The following VRK2 variants were observed in gnomAD, a reference collection of about 807,000 sequenced individuals.
VRK2 encodes serine/threonine-protein kinase VRK2.
In VRK2, 60 loss-of-function variants were observed where a neutral mutation model predicts 57.6. That is an observed-to-expected ratio of 1.04 (90% CI 0.85 to 1.29). The LOEUF is 1.29. Among genes scored for constraint, VRK2 ranks in the 50% most tolerant of loss-of-function variants. The pLI, the probability that VRK2 is intolerant of heterozygous loss-of-function variation, is 0.00. For synonymous variants in VRK2, 231 were observed against 199.2 expected (o/e 1.16, Z -1.35); for missense variants, 705 against 588.1 (o/e 1.20, Z -2.06).
intron 7 of VRK2, among the ~76,000 whole-genome samples, chr2:58,120,505 A>G (rs948477162): frequency 6.6e-6 from 1 of 151,982 alleles, no homozygotes; most frequent in Admixed American, 6.6e-5. Context: ...TTTCATCTTT[A>G]TATTAAATGT....
chr2:58,000,774 T>G (rs1027802106), intron 1 of VRK2, among the ~76,000 whole-genome samples: 1 of 152,208 alleles, frequency 6.6e-6, no homozygotes, highest in African/African-American at 2.4e-5. Flanking sequence ...CAATATATCT[T>G]CTATTCATAC....
intron 12 of VRK2, among the ~76,000 whole-genome samples, chr2:58,148,554 G>T (rs559757192): frequency 1.3e-5 from 2 of 151,228 alleles, no homozygotes; most frequent in Non-Finnish European, 3.0e-5. Context: ...TTTTTTTGTC[G>T]TTTGTTTGTT....
At chr2:57,957,482 T>C (rs1447505582) in intron 1 of VRK2, among the ~76,000 whole-genome samples, 2 of 151,702 alleles carry the variant, frequency 1.3e-5, no homozygotes, top group Non-Finnish European at 2.9e-5. Flanking sequence ...CGCAATAAAG[T>C]GAGGACTGTA....
At chr2:57,924,037 G>A (rs761661814) in intron 1 of VRK2, among the ~76,000 whole-genome samples, 6 of 151,752 alleles carry the variant, frequency 4.0e-5, no homozygotes, top group Non-Finnish European at 8.8e-5. Context: ...TATTCTAGAT[G>A]TGTGAATTTA....
At chr2:57,950,854 G>C (rs1671405438) in intron 1 of VRK2, among the ~76,000 whole-genome samples, 1 of 152,066 alleles carries the variant, frequency 6.6e-6, no homozygotes, top group African/African-American at 2.4e-5. Context: ...AGCACTTTGA[G>C]AGGCTGAGGC....
chr2:58,050,829 T>C (rs2103794419), intron 2 of VRK2, among the ~76,000 whole-genome samples: 1 of 152,246 alleles, frequency 6.6e-6, no homozygotes, highest in South Asian at 2.1e-4. Context: ...TTCAGTCTAG[T>C]ACAGTGTCAC....
intron 2 of VRK2, among the ~76,000 whole-genome samples, chr2:58,031,340 C>G (rs1164948053): frequency 6.6e-6 from 1 of 151,944 alleles, no homozygotes; most frequent in Non-Finnish European, 1.5e-5. Context: ...AGAAGAGAGG[C>G]TTTGTTCCCG....
At chr2:57,969,774 A>G (rs1672035292) in intron 1 of VRK2, among the ~76,000 whole-genome samples, 1 of 152,136 alleles carries the variant, frequency 6.6e-6, no homozygotes, top group African/African-American at 2.4e-5. Context: ...AGCTGAGGCT[A>G]TGCTTAAGCA....
chr2:57,924,304 G>A (rs1351671999), intron 1 of VRK2, among the ~76,000 whole-genome samples: 2 of 151,964 alleles, frequency 1.3e-5, no homozygotes, highest in Non-Finnish European at 2.9e-5. Context: ...CTTGTAGATT[G>A]TTTCCACTAG....
intron 1 of VRK2, among the ~76,000 whole-genome samples, chr2:57,946,905 C>T (rs1249639315): frequency 6.6e-6 from 1 of 151,864 alleles, no homozygotes; most frequent in Non-Finnish European, 1.5e-5. Context: ...GATCTATGAG[C>T]CAGAGGAAAT....
intron 2 of VRK2, among the ~76,000 whole-genome samples, chr2:58,067,343 C>G (rs1040401452): frequency 5.3e-5 from 8 of 152,124 alleles, no homozygotes; most frequent in Non-Finnish European, 1.2e-4. Flanking sequence ...TTAATAAACT[C>G]CCCTTCATAT....
chr2:57,979,427 G>C (rs1405807211), intron 1 of VRK2, among the ~76,000 whole-genome samples: 9 of 151,048 alleles, frequency 6.0e-5, no homozygotes, highest in Non-Finnish European at 8.8e-5. Flanking sequence ...AATGTGTGCT[G>C]CTAGGTTCAA....
chr2:57,921,410 T>C (rs895135035), intron 1 of VRK2, among the ~76,000 whole-genome samples: 3 of 151,960 alleles, frequency 2.0e-5, no homozygotes, highest in African/African-American at 7.2e-5. Flanking sequence ...CTTCAGAGAA[T>C]AGGACAAATG....
At chr2:57,958,252 T>C (rs1671644904) in intron 1 of VRK2, among the ~76,000 whole-genome samples, 1 of 152,184 alleles carries the variant, frequency 6.6e-6, no homozygotes, top group Non-Finnish European at 1.5e-5. Context: ...TTACTTAGAT[T>C]ACTTAAAATA....
In VRK2 at chr2:58,146,428, A is replaced by G. The variant is rs1157185593; in HGVS notation, c.1136A>G (p.Gln379Arg). The change falls in exon 12 of 13, where the codon CAG (glutamine) becomes CGG (arginine). Residue 379 changes from glutamine to arginine, a missense_variant. By Grantham distance (43) the Gln-to-Arg change is conservative. Transcript: ENST00000340157. ...SAESCATWKV[Q>R]KEEKLIGLMN... ...GAGTCCTGTGCAACATGGAAAGTGC[A>G]GAAAGAGGAGAAACTGATTGGATTG... The G allele has an allele frequency of 6.2e-7, 1 of 1,611,578 alleles. No individual in the cohort carries two copies. Among genetic ancestry groups the G allele is most frequent in the Non-Finnish European group, 8.5e-7 (1 of 1,178,338 alleles).
intron 11 of VRK2, among the ~76,000 whole-genome samples, chr2:58,142,464 T>A (rs1681490289): frequency 6.6e-6 from 1 of 151,800 alleles, no homozygotes; most frequent in South Asian, 2.1e-4. Flanking sequence ...GATATTGATA[T>A]TTTTTTCATG....
intron 11 of VRK2, among the ~76,000 whole-genome samples, chr2:58,143,417 C>T (rs1323402904): frequency 3.9e-5 from 6 of 152,042 alleles, no homozygotes; most frequent in African/African-American, 1.4e-4. Context: ...TCACTATCAT[C>T]TACTTCACTC....
chr2:58,040,932 A>G lies in VRK2; in HGVS notation c.-6+7379A>G. 4.4e-6 allele frequency: 3 copies of G among 684,708 alleles called. No homozygotes were observed. In the South Asian group the frequency reaches 2.0e-4, roughly 45 times the overall value. The allele number at this position is 684,708 out of a possible 1,614,324, so 42.4% of individuals were successfully genotyped here. The stretch of plus-strand genomic sequence containing the variant: ...AACATGACTTACATGACACACAGGA[A>G]AACTATTTCTTACTTCTCCTCTGAA... On this transcript the variant is annotated intron_variant, in intron 3 of 15. Transcript: ENST00000417641.
intron 1 of VRK2, among the ~76,000 whole-genome samples, chr2:58,024,218 G>A (rs2103679534): frequency 6.6e-6 from 1 of 152,232 alleles, no homozygotes; most frequent in African/African-American, 2.4e-5. Flanking sequence ...GGAGAGAGGA[G>A]AGCAGTCCTG....
Sources: gnomAD v4.1 joint callset for allele counts (sites outside exome capture counted in the v4.1 genomes callset) on GRCh38, gnomAD v4.1.1 for gene constraint, MANE v1.5 for transcripts, NCBI Gene and HGNC (gene_info 2026-07-23, HGNC 2026-07-21) for gene names.